The following DPP6 variants were observed in gnomAD, a reference collection of about 807,000 sequenced individuals.
DPP6 encodes the protein A-type potassium channel modulatory protein DPP6.
In DPP6, 69 loss-of-function variants were observed where a neutral mutation model predicts 122.6. That is an observed-to-expected ratio of 0.56 (90% CI 0.46 to 0.69). The LOEUF (loss-of-function observed/expected upper bound fraction) is 0.69. Ranked by LOEUF, DPP6 falls within the 30% of genes least tolerant of loss-of-function variation. The probability of loss-of-function intolerance (pLI) is 0.00; values close to 1 mark genes in which losing one functional copy is unlikely to be tolerated. For synonymous variants in DPP6, 418 were observed against 433.1 expected, an observed-to-expected ratio of 0.97 and a Z score of 0.43; for missense variants, 928 against 1,116.9, an observed-to-expected ratio of 0.83 and a Z score of 2.41.
At chr7:153,929,827 TATTAGTC>T (rs1801092475) in intron 1 of DPP6, among the ~76,000 whole-genome samples, 1 of 152,196 alleles carries the variant, frequency 6.6e-6, no homozygotes, top group Admixed American at 6.5e-5. Context: ...TTCATAAAGG[TATTAGTC>T]ATTTGCATTA....
intron 12 of DPP6, among the ~76,000 whole-genome samples, chr7:154,799,870 C>G (rs1477250265): frequency 6.6e-6 from 1 of 152,252 alleles, no homozygotes; most frequent in Non-Finnish European, 1.5e-5. Flanking sequence ...ACATTTACCA[C>G]ATGAGAAACC....
chr7:154,731,291 A>G (rs1172263715), intron 8 of DPP6, among the ~76,000 whole-genome samples: 2 of 152,246 alleles, frequency 1.3e-5, no homozygotes, highest in East Asian at 1.9e-4. Flanking sequence ...TAAGCTGTGT[A>G]CGTGGGAAAC....
intron 13 of DPP6, among the ~76,000 whole-genome samples, chr7:154,803,028 C>A (rs1451484491): frequency 1.3e-5 from 2 of 152,094 alleles, no homozygotes; most frequent in African/African-American, 4.8e-5. Context: ...CCCCCAGGGC[C>A]TTCCCTTTCA....
intron 25 of DPP6, chr7:154,890,281 C>T (rs926136869): frequency 1.3e-5 from 2 of 152,298 alleles, no homozygotes; most frequent in African/African-American, 4.8e-5. Context: ...CTGCCTCCCT[C>T]AGAGAGCTCT....
intron 5 of DPP6, among the ~76,000 whole-genome samples, chr7:154,574,343 G>A (rs944922494): frequency 0.029 from 3,943 of 136,356 alleles, 171 homozygotes; most frequent in East Asian, 0.1. Flanking sequence ...TTTGTGTGTG[G>A]TATGTGTATA....
At chr7:154,525,965 GATGT>G (rs1163748008) in intron 3 of DPP6, among the ~76,000 whole-genome samples, 1 of 152,074 alleles carries the variant, frequency 6.6e-6, no homozygotes, top group Non-Finnish European at 1.5e-5. Context: ...CAAAGAAAAG[GATGT>G]AGTTATCATG....
chr7:154,354,475 A>G lies in DPP6; in HGVS notation c.244-91739A>G, dbSNP rs572313870. Among the ~76,000 whole-genome samples, 6 of 152,178 alleles carry G rather than the reference A, an allele frequency of 3.9e-5. No individual in the cohort carries two copies. The East Asian group carries it at 1.2e-3, about 29-fold the overall frequency. Reference sequence around the variant, plus strand: ...AACAGCTTGTAAACTTTCCCTTCCAATTCCAAGCTACTCCTTTCCAGTATA... The same window carrying G: ...AACAGCTTGTAAACTTTCCCTTCCAGTTCCAAGCTACTCCTTTCCAGTATA... On this transcript the variant is annotated intron_variant, in intron 1 of 25. Coordinates refer to ENST00000377770, the MANE Select transcript of DPP6 (RefSeq NM_130797.4).
the DPP6 span, among the ~76,000 whole-genome samples, chr7:153,847,289 C>T: frequency 6.6e-6 from 1 of 152,166 alleles, no homozygotes; most frequent in South Asian, 2.1e-4. Flanking sequence ...CTGGGATTAT[C>T]CCTCTCTTCA....
intron 16 of DPP6, among the ~76,000 whole-genome samples, chr7:154,845,823 C>A (rs373593984): frequency 1.3e-5 from 2 of 152,236 alleles, no homozygotes; most frequent in Non-Finnish European, 2.9e-5. Flanking sequence ...TGAACTGTTT[C>A]GACTTTCAGT....
chr7:153,820,652 G>T, the DPP6 span, among the ~76,000 whole-genome samples: 1 of 152,054 alleles, frequency 6.6e-6, no homozygotes, highest in African/African-American at 2.4e-5. Context: ...CATAGCAAAG[G>T]AGGCCAAGAA....
Position 154,540,536 on chromosome 7 carries a change from A to G in DPP6, c.462A>G (p.Thr154=), listed in dbSNP as rs1264603534. The change falls in exon 4 of 26, where the codon ACA becomes ACG. Residue 154 remains threonine (T), a synonymous_variant. Transcript: ENST00000377770. ...TTTCTACTTCCTCTCTTACAGATAC[A>G]GAATTCATCTACAGAGAACAGAAAG... The part of the protein sequence containing the change: ...HDPEAKWISD[T]EFIYREQKGT... 4 of 1,598,566 alleles carry G rather than the reference A, an allele frequency of 2.5e-6. No individual in the cohort carries two copies. Among genetic ancestry groups the G allele is most frequent in the Non-Finnish European group, 3.4e-6 (4 of 1,168,140 alleles).
chr7:153,978,951 C>G (rs1414493597), intron 1 of DPP6, among the ~76,000 whole-genome samples: 2 of 151,526 alleles, frequency 1.3e-5, no homozygotes, highest in South Asian at 4.2e-4. Context: ...GTTACTGTAG[C>G]CTTATAGTTT....
intron 5 of DPP6, chr7:154,587,652 G>A: frequency 6.5e-7 from 1 of 1,545,746 alleles, no homozygotes; most frequent in Non-Finnish European, 8.7e-7. Flanking sequence ...CTTTACAGAT[G>A]AAGAAAGTGA....
the DPP6 span, among the ~76,000 whole-genome samples, chr7:153,773,707 G>A: frequency 6.6e-6 from 1 of 151,458 alleles, no homozygotes; most frequent in Non-Finnish European, 1.5e-5. Context: ...ACAAAGCCAT[G>A]CTTAGAAGAA....
chr7:153,978,147 T>G (rs910433338), intron 1 of DPP6, among the ~76,000 whole-genome samples: 3 of 152,258 alleles, frequency 2.0e-5, no homozygotes, highest in African/African-American at 7.2e-5. Context: ...CCACAATGGT[T>G]GAACTAATTT....
chr7:154,158,230 A>T (rs1585514320), intron 1 of DPP6, among the ~76,000 whole-genome samples: 1 of 151,018 alleles, frequency 6.6e-6, no homozygotes, highest in East Asian at 1.9e-4. Flanking sequence ...GAGCTTTCAG[A>T]TCTTGGAGGG....
chr7:154,139,283 A>G (rs970772750), intron 1 of DPP6, among the ~76,000 whole-genome samples: 1 of 104,140 alleles, frequency 9.6e-6, no homozygotes, highest in Non-Finnish European at 2.0e-5. Flanking sequence ...TGTAACTTTC[A>G]GTCCAAGGCC....
At chr7:154,707,291 A>G (rs1840887097) in intron 7 of DPP6, among the ~76,000 whole-genome samples, 1 of 152,186 alleles carries the variant, frequency 6.6e-6, no homozygotes, top group Admixed American at 6.5e-5. Flanking sequence ...CATCCTCCCC[A>G]CAGCACCATG....
intron 1 of DPP6, among the ~76,000 whole-genome samples, chr7:154,371,378 C>CAAAAAAAAAAAAAA (rs1167770083): frequency 6.5e-4 from 31 of 47,702 alleles, no homozygotes; most frequent in South Asian, 1.2e-3. Flanking sequence ...AACTCTGTCT[C>CAAAAAAAAAAAAAA]AAAAAAAAAA....
Sources: gnomAD v4.1 joint callset for allele counts (sites outside exome capture counted in the v4.1 genomes callset) on GRCh38, gnomAD v4.1.1 for gene constraint, MANE v1.5 for transcripts, NCBI Gene and HGNC (gene_info 2026-07-23, HGNC 2026-07-21) for gene names.